Variants in LRP1B observed in about 807,000 individuals in gnomAD.
LRP1B encodes LDL receptor related protein 1B, also known as low-density lipoprotein receptor-related protein 1B.
LRP1B carries 217 observed loss-of-function variants against 556.6 expected under a neutral mutation model. That is an observed-to-expected ratio of 0.39 (90% CI 0.35 to 0.44). The LOEUF (loss-of-function observed/expected upper bound fraction) is 0.44, where lower values mean the gene tolerates loss of function less well. LRP1B is among the 20% of genes least tolerant of loss of function. The probability of loss-of-function intolerance (pLI) is 1.00; values close to 1 mark genes in which losing one functional copy is unlikely to be tolerated. For missense variants in LRP1B, 5,053 were observed against 5,620.8 expected, an observed-to-expected ratio of 0.90 and a Z score of 3.23; for synonymous variants, 2,047 against 1,865.8, an observed-to-expected ratio of 1.10 and a Z score of -2.50.
chr2:140,670,683 T>C (rs936208125), intron 41 of LRP1B, among the ~76,000 whole-genome samples: 5 of 54,950 alleles, frequency 9.1e-5, no homozygotes, highest in African/African-American at 2.2e-4. Flanking sequence ...TAAGTCATCG[T>C]ATACAAAAAA....
chr2:141,051,860 G>T (rs2105450368), intron 10 of LRP1B, among the ~76,000 whole-genome samples: 1 of 151,972 alleles, frequency 6.6e-6, no homozygotes, highest in South Asian at 2.1e-4. Context: ...TTTCATTGCT[G>T]TATAGCATTC....
At chr2:140,850,063 C>T (rs1448619079) in intron 29 of LRP1B, 39 bp downstream of exon 29, 1 of 1,276,904 alleles carries the variant, frequency 7.8e-7, no homozygotes, top group African/African-American at 1.5e-5. Flanking sequence ...AACTGAATAA[C>T]AAACACTTTT....
At chr2:140,803,476 T>TG (rs1408474246) in intron 32 of LRP1B, among the ~76,000 whole-genome samples, 1 of 151,486 alleles carries the variant, frequency 6.6e-6, no homozygotes, top group Non-Finnish European at 1.5e-5. Flanking sequence ...TTATTTATTT[T>TG]TTTAGTAGAG....
At chr2:141,164,779 T>A (rs1439535022) in intron 7 of LRP1B, among the ~76,000 whole-genome samples, 1 of 152,044 alleles carries the variant, frequency 6.6e-6, no homozygotes, top group Non-Finnish European at 1.5e-5. Context: ...CTCTAAAATT[T>A]AGAAGATACA....
intron 2 of LRP1B, among the ~76,000 whole-genome samples, chr2:141,520,724 A>G (rs1169140236): frequency 6.6e-6 from 1 of 152,124 alleles, no homozygotes; most frequent in South Asian, 2.1e-4. Context: ...ACTGCCAAAC[A>G]CACAAAAAAA....
intron 3 of LRP1B, among the ~76,000 whole-genome samples, chr2:141,384,961 C>T (rs943440261): frequency 1.3e-5 from 2 of 152,142 alleles, no homozygotes; most frequent in African/African-American, 4.8e-5. Context: ...AAGTGGTGAG[C>T]AAGCCTCCAA....
intron 2 of LRP1B, among the ~76,000 whole-genome samples, chr2:141,722,737 G>GATAA (rs1183600803): frequency 3.3e-4 from 47 of 141,030 alleles, no homozygotes; most frequent in African/African-American, 1.2e-3. Context: ...TACATAGATA[G>GATAA]ATAGATAGAT....
chr2:140,662,507 A>C (rs1002134518), intron 41 of LRP1B, among the ~76,000 whole-genome samples: 1 of 152,180 alleles, frequency 6.6e-6, no homozygotes, highest in Non-Finnish European at 1.5e-5. Context: ...AAGATGAAAA[A>C]ATTTTAAATG....
At chr2:141,243,394 A>C (rs1226266865) in intron 5 of LRP1B, among the ~76,000 whole-genome samples, 1 of 152,096 alleles carries the variant, frequency 6.6e-6, no homozygotes, top group Non-Finnish European at 1.5e-5. Context: ...AGGTAGAAAA[A>C]TGGCTTAAGC....
chr2:140,276,062 T>C (rs912287415), intron 84 of LRP1B, among the ~76,000 whole-genome samples: 1 of 151,932 alleles, frequency 6.6e-6, no homozygotes, highest in Non-Finnish European at 1.5e-5. Context: ...ATTCCAGACT[T>C]TGTGTTTAGA....
intron 2 of LRP1B, among the ~76,000 whole-genome samples, chr2:141,521,455 C>G (rs1306419473): frequency 6.6e-6 from 1 of 151,598 alleles, no homozygotes; most frequent in African/African-American, 2.4e-5. Flanking sequence ...TTTTTAGACA[C>G]TAGGATCCAT....
intron 15 of LRP1B, among the ~76,000 whole-genome samples, chr2:140,995,458 C>CAACAACATT (rs1198112894): frequency 3.3e-5 from 5 of 151,992 alleles, no homozygotes; most frequent in Admixed American, 3.3e-4. Flanking sequence ...ATCAAAGTAA[C>CAACAACATT]AACAACATTA....
At chr2:141,008,833 G>A (rs1464320853) in intron 14 of LRP1B, among the ~76,000 whole-genome samples, 2 of 151,882 alleles carry the variant, frequency 1.3e-5, no homozygotes, top group East Asian at 3.9e-4. Context: ...TTGGAGTGCA[G>A]GCACAGGTAC....
chr2:140,593,867 T>C (rs535767931), intron 43 of LRP1B, among the ~76,000 whole-genome samples: 26 of 152,340 alleles, frequency 1.7e-4, no homozygotes, highest in African/African-American at 4.3e-4. Flanking sequence ...GGTCTACTGA[T>C]AAGCAATGGG....
chr2:141,165,325 T>C (rs777421427), intron 7 of LRP1B, among the ~76,000 whole-genome samples: 3 of 123,768 alleles, frequency 2.4e-5, no homozygotes, highest in Non-Finnish European at 5.0e-5. Context: ...ACTTCTAGTT[T>C]ACCAACTGTC....
intron 86 of LRP1B, among the ~76,000 whole-genome samples, chr2:140,252,070 A>AAAAAAAAAAAAAAAAAAAAAAAC: frequency 8.4e-6 from 1 of 119,062 alleles, no homozygotes; most frequent in African/African-American, 3.3e-5. Context: ...TGCAAAAAAA[A>AAAAAAAAAAAAAAAAAAAAAAAC]AAAAAAAAAA....
chr2:140,634,185 TA>T (rs1176958490), intron 41 of LRP1B, among the ~76,000 whole-genome samples: 2 of 152,056 alleles, frequency 1.3e-5, no homozygotes, highest in African/African-American at 4.8e-5. Flanking sequence ...CATTAACTGA[TA>T]AAGGAAAAAC....
intron 1 of LRP1B, among the ~76,000 whole-genome samples, chr2:141,853,731 C>G (rs1392994675): frequency 2.6e-5 from 4 of 151,802 alleles, no homozygotes; most frequent in Non-Finnish European, 2.9e-5. Context: ...AGTGACATCT[C>G]TAGAAATGTA....
chr2:141,809,236 CAT>C (rs1460905045), intron 2 of LRP1B, among the ~76,000 whole-genome samples: 1 of 152,082 alleles, frequency 6.6e-6, no homozygotes, highest in Non-Finnish European at 1.5e-5. Context: ...GGACGTCAAA[CAT>C]AAAGGAAATT....
Sources: gnomAD v4.1 joint callset for allele counts (sites outside exome capture counted in the v4.1 genomes callset) on GRCh38, gnomAD v4.1.1 for gene constraint, MANE v1.5 for transcripts, NCBI Gene and HGNC (gene_info 2026-07-23, HGNC 2026-07-21) for gene names.